MAP3K9: variants seen among roughly 807,000 people sequenced by gnomAD.
MAP3K9 encodes mitogen-activated protein kinase kinase kinase 9, also known as mixed lineage kinase 1 (tyr and ser/thr specificity).
Under a neutral mutation model 95.8 loss-of-function variants are expected in MAP3K9, and 46 were observed. That is an observed-to-expected ratio of 0.48 (90% CI 0.38 to 0.61). MAP3K9 has a LOEUF of 0.61. Among genes scored for constraint, MAP3K9 ranks in the 20% least tolerant of loss-of-function variants. The pLI is 0.00. For missense variants in MAP3K9, 1,296 were observed against 1,474.3 expected (o/e 0.88, Z 1.98); for synonymous variants, 533 against 593.8 (o/e 0.90, Z 1.49).
chr14:70,750,070 A>G lies in MAP3K9; in HGVS notation c.1013T>C (p.Leu338Pro), dbSNP rs2054203715. Residue 338 changes from leucine to proline, a missense_variant, in exon 4 of 12, where the codon CTA becomes CCA. Coordinates refer to ENST00000554752, the MANE Select transcript of MAP3K9 (RefSeq NM_001284230.2). Reference protein sequence around the residue: ...KGSDVWSYGVLLWELLTGEVP... With the variant: ...KGSDVWSYGVPLWELLTGEVP... ...CTCACCAGTCAGCAACTCCCAAAGT[A>G]GCACCCCATAGCTAAGGAGAGGAAG... 1 of 1,614,216 alleles carries G rather than the reference A, an allele frequency of 6.2e-7. No homozygotes were observed. Among genetic ancestry groups the G allele is most frequent in the East Asian group, 2.2e-5 (1 of 44,888 alleles).
rs1400224303 is a variant in MAP3K9 at position 70,734,377 on chromosome 14, T to C, written c.2026+9A>G. On this transcript the variant is annotated intron_variant, in intron 10 of 11. Transcript: ENST00000554752. The stretch of plus-strand genomic sequence containing the variant: ...GACAGCCAAGACTCTCAAGAGGAGC[T>C]ATGCTTACCCATCTCCATAAGGCTG... The C allele has an allele frequency of 6.3e-7, 1 of 1,595,470 alleles. No individual in the cohort carries two copies. Among genetic ancestry groups the C allele is most frequent in the Non-Finnish European group, 8.6e-7 (1 of 1,162,988 alleles).
intron 2 of MAP3K9, among the ~76,000 whole-genome samples, chr14:70,770,186 CTTTT>C (rs1221914437): frequency 1.3e-5 from 2 of 152,002 alleles, no homozygotes; most frequent in African/African-American, 2.4e-5. Context: ...TTTTCTGTTT[CTTTT>C]GTTTGTTTGT....
chr14:70,808,642 C>T (rs1405239286), intron 1 of MAP3K9, 124 bp downstream of exon 1: 2 of 449,436 alleles, frequency 4.5e-6, no homozygotes, highest in Non-Finnish European at 7.4e-6. Flanking sequence ...CACCCACACC[C>T]AGGTCAATCG....
At chr14:70,779,766 G>A (rs2054649068) in intron 2 of MAP3K9, among the ~76,000 whole-genome samples, 2 of 152,222 alleles carry the variant, frequency 1.3e-5, no homozygotes, top group Admixed American at 6.5e-5. Flanking sequence ...CAATTCCACA[G>A]TTCTGGCATG....
chr14:70,736,549 A>AT lies in MAP3K9; in HGVS notation c.1845-521dup, dbSNP rs771991799. Among the ~76,000 whole-genome samples the AT allele has an allele frequency of 1.8e-4, 28 of 152,304 alleles. No homozygotes were observed. The East Asian group carries it at 2.3e-3, about 13-fold the overall frequency. On this transcript the variant is annotated intron_variant, in intron 8 of 11. Transcript: ENST00000554752. ...GACTCATGAAAAAATTAAGTCATAT[A>AT]TTTTTTAATTCCTTCAAAAGTTTGT... is the stretch of plus-strand genomic sequence containing the variant.
At chr14:70,774,983 CAAAAAAAAAAAAAAAAA>C (rs60144338) in intron 2 of MAP3K9, among the ~76,000 whole-genome samples, 2 of 55,096 alleles carry the variant, frequency 3.6e-5, no homozygotes, top group South Asian at 1.1e-3. Context: ...ACTCTGTCCC[CAAAAAAAAAAAAAAAAA>C]AAAAAAAAAA....
In MAP3K9 at chr14:70,732,653, G is replaced by A. The variant is rs757632696; in HGVS notation, c.2716C>T (p.Pro906Ser). ...LTPTHVTLTT[P>S]SQPSSHRRTP... ...CGCCGGTGACTGCTGGGCTGCGAGG[G>A]GGTGGTGAGGGTGACATGGGTGGGA... The change falls in exon 11 of 12, where the codon CCC becomes TCC. Residue 906 changes from proline (P) to serine (S), a missense_variant. By Grantham distance (74) the Pro-to-Ser change is moderately conservative (BLOSUM62 -1). Coordinates refer to ENST00000554752, the MANE Select transcript of MAP3K9 (RefSeq NM_001284230.2). 4.4e-6 allele frequency: 7 copies of A among 1,605,070 alleles called. No homozygotes were observed. Among genetic ancestry groups the A allele is most frequent in the Middle Eastern group, 1.7e-4 (1 of 6,018 alleles).
At chr14:70,742,166 C>G (rs1334138994) in intron 6 of MAP3K9, among the ~76,000 whole-genome samples, 185 bp downstream of exon 6, 1 of 152,122 alleles carries the variant, frequency 6.6e-6, no homozygotes, top group Non-Finnish European at 1.5e-5. Flanking sequence ...CAACAATTTC[C>G]CTGGAGTAGG....
chr14:70,749,801 A>C (rs1021606971), intron 4 of MAP3K9, 132 bp downstream of exon 4: 2 of 1,072,168 alleles, frequency 1.9e-6, no homozygotes, highest in Admixed American at 4.6e-5. Context: ...AGTTGCCCAG[A>C]GGATTCCTCC....
intron 6 of MAP3K9, among the ~76,000 whole-genome samples, chr14:70,741,574 C>T (rs1248352250): frequency 6.6e-6 from 1 of 152,192 alleles, no homozygotes; most frequent in Non-Finnish European, 1.5e-5. Flanking sequence ...TGCAGTACAA[C>T]AAATGCATGT....
chr14:70,760,365 C>T (rs1322339050), intron 3 of MAP3K9, among the ~76,000 whole-genome samples: 1 of 152,178 alleles, frequency 6.6e-6, no homozygotes, highest in Non-Finnish European at 1.5e-5. Flanking sequence ...ACCTTTTGGG[C>T]TCACATTTAC....
intron 2 of MAP3K9, among the ~76,000 whole-genome samples, chr14:70,771,856 G>A (rs1269382895): frequency 6.6e-6 from 1 of 152,216 alleles, no homozygotes; most frequent in Non-Finnish European, 1.5e-5. Flanking sequence ...GCCTCCAGTG[G>A]AGGAAGGAAG....
At chr14:70,765,243 T>C (rs749509920) in intron 2 of MAP3K9, among the ~76,000 whole-genome samples, 2 of 152,152 alleles carry the variant, frequency 1.3e-5, no homozygotes, top group Non-Finnish European at 2.9e-5. Context: ...GGCAGAAGAA[T>C]TGCTTGAACT....
At chr14:70,750,320 C>A (rs1266313163) in intron 3 of MAP3K9, among the ~76,000 whole-genome samples, 2 of 152,178 alleles carry the variant, frequency 1.3e-5, no homozygotes, top group African/African-American at 2.4e-5. Context: ...GCTATATGAC[C>A]TTGGGCAAGG....
chr14:70,786,653 C>G (rs1029185236), intron 2 of MAP3K9, among the ~76,000 whole-genome samples: 1 of 152,130 alleles, frequency 6.6e-6, no homozygotes, highest in African/African-American at 2.4e-5. Flanking sequence ...AGCTGGAAAG[C>G]CTGGCAGAGT....
chr14:70,806,224 C>A (rs1003688513), intron 1 of MAP3K9, among the ~76,000 whole-genome samples: 1 of 152,144 alleles, frequency 6.6e-6, no homozygotes, highest in South Asian at 2.1e-4. Flanking sequence ...CTTCAATGAC[C>A]GCCCATGTTC....
Position 70,740,027 on chromosome 14 carries a change from G to A in MAP3K9, c.1690+15C>T, listed in dbSNP as rs1594769604. On this transcript the variant is annotated intron_variant, in intron 7 of 11. Transcript: ENST00000554752. ...TGTGTGTTCTGGCCCCAGCTAATTT[G>A]GGAAACAGTCTCACACTGGATGGCT... 3 of 1,614,168 alleles carry A rather than the reference G, an allele frequency of 1.9e-6. No homozygotes were observed. In the Middle Eastern group the frequency reaches 4.9e-4, roughly 266 times the overall value.
At chr14:70,783,391 A>G (rs2054707279) in intron 2 of MAP3K9, 1 of 985,240 alleles carries the variant, frequency 1.0e-6, no homozygotes, top group African/African-American at 1.7e-5. Flanking sequence ...AATTCCATCC[A>G]CTGTCCTTAT....
Position 70,784,464 on chromosome 14 carries a change from C to T in MAP3K9, c.820+16203G>A, listed in dbSNP as rs146978762. On this transcript the variant is annotated intron_variant, in intron 2 of 11. Coordinates refer to ENST00000554752, the MANE Select transcript of MAP3K9 (RefSeq NM_001284230.2). The stretch of plus-strand genomic sequence containing the variant: ...CACTAACAAGAAGCAAAGCTGAAGC[C>T]GGGCACAGTGGCTCATGCCTGTAAT... 6.9e-4 allele frequency among the ~76,000 whole-genome samples: 105 copies of T among 152,182 alleles called. 1 individual carries two copies. The highest frequency in any genetic ancestry group is 8.8e-4 in the Non-Finnish European group (60 of 68,014).
Sources: gnomAD v4.1 joint callset for allele counts (sites outside exome capture counted in the v4.1 genomes callset) on GRCh38, gnomAD v4.1.1 for gene constraint, MANE v1.5 for transcripts, NCBI Gene and HGNC (gene_info 2026-07-23, HGNC 2026-07-21) for gene names.